Variants in MAML3 observed in about 807,000 individuals in gnomAD.
The protein encoded by MAML3 is mastermind like transcriptional coactivator 3.
MAML3 carries 27 observed loss-of-function variants against 101.9 expected under a neutral mutation model. The ratio of observed to expected loss-of-function variants is 0.27; its 90% CI spans 0.20 to 0.37. MAML3 has a LOEUF of 0.37. Among genes scored for constraint, MAML3 ranks in the 10% least tolerant of loss-of-function variants. MAML3 has a pLI of 1.00. For missense variants in MAML3, 1,316 were observed against 1,444.9 expected (o/e 0.91, Z 1.45); for synonymous variants, 501 against 555.9 (o/e 0.90, Z 1.39).
At chr4:139,844,579 T>C (rs1316062352) in intron 2 of MAML3, among the ~76,000 whole-genome samples, 2 of 152,208 alleles carry the variant, frequency 1.3e-5, no homozygotes, top group Non-Finnish European at 2.9e-5. Flanking sequence ...TGAAAATCAG[T>C]TGTGACAATA....
chr4:140,078,318 G>A (rs992436170), intron 1 of MAML3, among the ~76,000 whole-genome samples: 12 of 152,156 alleles, frequency 7.9e-5, no homozygotes, highest in Non-Finnish European at 1.5e-4. Flanking sequence ...AACAGGAGCC[G>A]TACGACCCTT....
intron 1 of MAML3, among the ~76,000 whole-genome samples, chr4:139,959,559 G>T (rs767009207): frequency 3.3e-5 from 5 of 152,194 alleles, no homozygotes; most frequent in Non-Finnish European, 1.5e-5. Context: ...CTGGCCAGCA[G>T]CAGTTTTAAT....
At chr4:139,909,836 CAAA>C (rs11379402) in intron 1 of MAML3, among the ~76,000 whole-genome samples, 5 of 58,728 alleles carry the variant, frequency 8.5e-5, no homozygotes, top group African/African-American at 2.6e-4. Context: ...GATGCCGTCT[CAAA>C]AAAAAAAAAA....
At chr4:139,846,054 C>G (rs922730084) in intron 2 of MAML3, among the ~76,000 whole-genome samples, 4 of 152,134 alleles carry the variant, frequency 2.6e-5, no homozygotes, top group Non-Finnish European at 5.9e-5. Flanking sequence ...GACAGCTTGA[C>G]AGTGACAAAA....
At chr4:139,857,796 ACTACTGGAGT>A (rs1731690446) in intron 2 of MAML3, among the ~76,000 whole-genome samples, 1 of 152,226 alleles carries the variant, frequency 6.6e-6, no homozygotes. Flanking sequence ...GCTATTATGT[ACTACTGGAGT>A]CTTCCCTACT....
At chr4:139,977,842 C>T (rs992833039) in intron 1 of MAML3, among the ~76,000 whole-genome samples, 1 of 151,636 alleles carries the variant, frequency 6.6e-6, no homozygotes, top group Admixed American at 6.6e-5. Context: ...CACTGCACTC[C>T]AGCCAGGGCC....
intron 2 of MAML3, among the ~76,000 whole-genome samples, chr4:139,775,512 T>C (rs1442364196): frequency 6.6e-6 from 1 of 152,082 alleles, no homozygotes; most frequent in Non-Finnish European, 1.5e-5. Flanking sequence ...TTAGTTGCCA[T>C]TTCAAAGCTC....
chr4:139,967,185 C>T (rs1233762305), intron 1 of MAML3, among the ~76,000 whole-genome samples: 2 of 151,994 alleles, frequency 1.3e-5, no homozygotes, highest in Non-Finnish European at 1.5e-5. Context: ...GAATTTCTCA[C>T]TGCTAAGTAA....
At chr4:139,763,442 C>T (rs939944458) in intron 2 of MAML3, among the ~76,000 whole-genome samples, 3 of 152,116 alleles carry the variant, frequency 2.0e-5, no homozygotes, top group Non-Finnish European at 2.9e-5. Context: ...AAGAGGCACA[C>T]GGTATTCAAA....
chr4:140,152,781 T>G, intron 1 of MAML3, 79 bp downstream of exon 1: 21 of 1,548,378 alleles, frequency 1.4e-5, no homozygotes, highest in Middle Eastern at 2.4e-4. Flanking sequence ...TGTACCCCCA[T>G]GTAAGAAGCT....
At chr4:140,074,866 A>G (rs1001904396) in intron 1 of MAML3, among the ~76,000 whole-genome samples, 6 of 152,242 alleles carry the variant, frequency 3.9e-5, no homozygotes, top group Non-Finnish European at 8.8e-5. Flanking sequence ...AAAGTTATTA[A>G]GAATATTGTA....
intron 2 of MAML3, among the ~76,000 whole-genome samples, chr4:139,834,433 G>A (rs1258667955): frequency 6.6e-6 from 1 of 152,228 alleles, no homozygotes; most frequent in Non-Finnish European, 1.5e-5. Flanking sequence ...CACGTAGACT[G>A]GGCCACTTCT....
At position 139,928,024 on chromosome 4, in the gene MAML3, C is replaced by A. The variant is rs141625496; in HGVS notation, c.469-37057G>T. 5.9e-3 allele frequency among the ~76,000 whole-genome samples: 899 copies of A among 152,266 alleles called. 3 individuals carry two copies. Among genetic ancestry groups the A allele is most frequent in the African/African-American group, 0.021 (860 of 41,550 alleles). ...AGTAATATACGTGTGTATGCTAACCCATTTATATACATACAGCTATATTTC... is the reference window on the plus strand; with the variant it reads ...AGTAATATACGTGTGTATGCTAACCAATTTATATACATACAGCTATATTTC... On this transcript the variant is annotated intron_variant, in intron 1 of 4. Transcript: ENST00000509479.
intron 1 of MAML3, among the ~76,000 whole-genome samples, chr4:140,074,000 C>T (rs1250622907): frequency 3.3e-5 from 5 of 151,818 alleles, no homozygotes; most frequent in Non-Finnish European, 5.9e-5. Context: ...GGCATGGTGG[C>T]GCTCACCTGT....
intron 1 of MAML3, among the ~76,000 whole-genome samples, chr4:140,126,960 C>T (rs1037621087): frequency 6.6e-6 from 1 of 152,210 alleles, no homozygotes; most frequent in Non-Finnish European, 1.5e-5. Flanking sequence ...AGCCCTTCAA[C>T]ATCTTCTGCT....
intron 2 of MAML3, among the ~76,000 whole-genome samples, chr4:139,781,421 T>C (rs577820339): frequency 4.5e-4 from 68 of 151,976 alleles, no homozygotes; most frequent in African/African-American, 1.6e-3. Context: ...CTTCATGATA[T>C]TTAAAAGTTT....
At chr4:139,782,345 T>C (rs1319239007) in intron 2 of MAML3, among the ~76,000 whole-genome samples, 2 of 152,124 alleles carry the variant, frequency 1.3e-5, no homozygotes, top group African/African-American at 4.8e-5. Flanking sequence ...AATATTGTTT[T>C]GGTAAAGATG....
chr4:139,770,065 G>A (rs1464246494), intron 2 of MAML3, among the ~76,000 whole-genome samples: 1 of 152,024 alleles, frequency 6.6e-6, no homozygotes, highest in East Asian at 1.9e-4. Flanking sequence ...GACCACAGGT[G>A]TATACTACCA....
chr4:140,025,674 C>T (rs17314804), intron 1 of MAML3, among the ~76,000 whole-genome samples: 39,022 of 152,042 alleles, frequency 0.26, 6,083 homozygotes, highest in Non-Finnish European at 0.35. Context: ...AACACAGCCA[C>T]GGTGCCAACA....
Sources: gnomAD v4.1 joint callset for allele counts (sites outside exome capture counted in the v4.1 genomes callset) on GRCh38, gnomAD v4.1.1 for gene constraint, MANE v1.5 for transcripts, NCBI Gene and HGNC (gene_info 2026-07-23, HGNC 2026-07-21) for gene names.